The following MICAL2 variants were observed in gnomAD, a reference collection of about 807,000 sequenced individuals.
The protein encoded by MICAL2 is [F-actin]-monooxygenase MICAL2.
A neutral mutation model predicts 127.3 loss-of-function variants in MICAL2; 77 were observed. That is an observed-to-expected ratio of 0.60 (90% CI 0.50 to 0.73). The LOEUF is 0.73. MICAL2 is among the 30% of genes least tolerant of loss of function. MICAL2 has a pLI of 0.00. For synonymous variants in MICAL2, 570 were observed against 551.1 expected (o/e 1.03, Z -0.48); for missense variants, 1,351 against 1,434.4 (o/e 0.94, Z 0.94).
intron 33 of MICAL2, chr11:12,354,725 C>A: frequency 6.9e-7 from 1 of 1,459,674 alleles, no homozygotes; most frequent in South Asian, 1.2e-5. Context: ...TGGGCTTATT[C>A]ATCAATGTTT....
At chr11:12,283,922 G>C (rs1863797712) in intron 2 of MICAL2, among the ~76,000 whole-genome samples, 1 of 152,182 alleles carries the variant, frequency 6.6e-6, no homozygotes, top group South Asian at 2.1e-4. Flanking sequence ...TTAAAAGGCA[G>C]ATTCCCAGGT....
At chr11:12,308,907 C>T (rs1864142535) in intron 29 of MICAL2, among the ~76,000 whole-genome samples, 1 of 152,140 alleles carries the variant, frequency 6.6e-6, no homozygotes, top group Non-Finnish European at 1.5e-5. Context: ...CCTTCCATTC[C>T]TAGCTTGCTA....
intron 2 of MICAL2, among the ~76,000 whole-genome samples, chr11:12,145,230 G>A (rs941584574): frequency 3.3e-5 from 5 of 152,220 alleles, no homozygotes; most frequent in Admixed American, 3.3e-4. Flanking sequence ...CAAAATGGAA[G>A]TGAACAGGCC....
intron 7 of MICAL2, among the ~76,000 whole-genome samples, chr11:12,214,532 G>C (rs759876443): frequency 1.6e-4 from 25 of 152,162 alleles, no homozygotes; most frequent in Admixed American, 1.6e-3. Flanking sequence ...TTGATGTATT[G>C]TCACTGCCTA....
intron 24 of MICAL2, among the ~76,000 whole-genome samples, chr11:12,269,012 A>AT (rs1353483414): frequency 2.6e-5 from 4 of 152,096 alleles, no homozygotes; most frequent in Non-Finnish European, 1.5e-5. Context: ...GAAAAAAAAA[A>AT]ATAAGAGTCC....
At chr11:12,259,918 AG>A in intron 26 of MICAL2, 21 bp downstream of exon 26, 1 of 1,611,900 alleles carries the variant, frequency 6.2e-7, no homozygotes, top group South Asian at 1.1e-5. Context: ...CTCCTTCTTT[AG>A]GAAGGTGCTG....
chr11:12,257,142 A>G, intron 24 of MICAL2, 171 bp downstream of exon 24: 3 of 707,322 alleles, frequency 4.2e-6, no homozygotes, highest in South Asian at 2.2e-5. Context: ...CTAGAAGGGG[A>G]GGCTGCCTGT....
intron 2 of MICAL2, among the ~76,000 whole-genome samples, chr11:12,139,364 T>C (rs1164530295): frequency 6.6e-6 from 1 of 152,182 alleles, no homozygotes; most frequent in African/African-American, 2.4e-5. Context: ...TCCGGGAGCT[T>C]TCCTGGACAT....
At position 12,113,875 on chromosome 11, in the gene MICAL2, A is replaced by T. The variant is rs563381036; in HGVS notation, c.-149+3149A>T. Among the ~76,000 whole-genome samples, 4 of 152,238 alleles carry T rather than the reference A, an allele frequency of 2.6e-5. 1 individual carries two copies. Among genetic ancestry groups the T allele is most frequent in the African/African-American group, 9.6e-5 (4 of 41,530 alleles). ...CAGTACTTACCCTTTCTCACCCTAT[A>T]TTGTAATTATTTATGAACATGTCTT... On this transcript the variant is annotated intron_variant, in intron 1 of 27. Coordinates refer to ENST00000683283, the MANE Select transcript of MICAL2 (RefSeq NM_001282663.2).
At chr11:12,265,084 T>G (rs1863566946), downstream of MICAL2, among the ~76,000 whole-genome samples, 1 of 152,222 alleles carries the variant, frequency 6.6e-6, no homozygotes, top group African/African-American at 2.4e-5. Flanking sequence ...CCCCAAGTGG[T>G]GCTTCACCAA....
chr11:12,243,904 C>T (rs1183670652), intron 20 of MICAL2, 83 bp from the exon 21 acceptor site: 10 of 1,523,462 alleles, frequency 6.6e-6, no homozygotes, highest in African/African-American at 1.4e-5. Context: ...AGTGCACAGG[C>T]ATGGGACTGC....
chr11:12,325,518 C>T (rs868468338), intron 31 of MICAL2, among the ~76,000 whole-genome samples: 1 of 152,220 alleles, frequency 6.6e-6, no homozygotes, highest in African/African-American at 2.4e-5. Context: ...TCCTCATGTT[C>T]TGGAGCTGAG....
intron 26 of MICAL2, chr11:12,262,169 C>T (rs1178078490): frequency 1.6e-6 from 2 of 1,257,232 alleles, no homozygotes; most frequent in Non-Finnish European, 2.0e-6. Context: ...GGATGAATGC[C>T]TCTAGGCCTC....
intron 1 of MICAL2, among the ~76,000 whole-genome samples, chr11:12,117,955 C>T (rs1206545511): frequency 6.6e-6 from 1 of 152,194 alleles, no homozygotes; most frequent in South Asian, 2.1e-4. Flanking sequence ...CTGTGAGGCT[C>T]ATGCAGTTGG....
intron 15 of MICAL2, among the ~76,000 whole-genome samples, chr11:12,228,390 C>A (rs1857759313): frequency 6.6e-6 from 1 of 152,204 alleles, no homozygotes; most frequent in African/African-American, 2.4e-5. Flanking sequence ...TCACCTGCTA[C>A]TCCGTTGTAC....
chr11:12,268,791 C>T (rs552513772), intron 24 of MICAL2, among the ~76,000 whole-genome samples: 1 of 151,774 alleles, frequency 6.6e-6, no homozygotes, highest in South Asian at 2.1e-4. Flanking sequence ...GAGATCGAGA[C>T]CATCCTGGCT....
chr11:12,323,236 A>G (rs1864319510), intron 30 of MICAL2, among the ~76,000 whole-genome samples: 1 of 152,224 alleles, frequency 6.6e-6, no homozygotes, highest in African/African-American at 2.4e-5. Flanking sequence ...TAACAAGCAC[A>G]GGTACACACA....
Position 12,167,714 on chromosome 11 carries a change from C to T in MICAL2, c.264+5295C>T, listed in dbSNP as rs147552557. The stretch of plus-strand genomic sequence containing the variant: ...AAAGAACTCTGGATTTGTCTGCTTA[C>T]CTGACAATAGACTGCCGGCCCTGCA... On this transcript the variant is annotated intron_variant, in intron 3 of 27. Transcript: ENST00000683283. Among the ~76,000 whole-genome samples, 1,010 of 152,252 alleles carry T rather than the reference C, an allele frequency of 6.6e-3. 54 individuals are homozygous for T. The highest frequency in any genetic ancestry group is 0.058 in the Admixed American group (885 of 15,298).
chr11:12,269,265 G>A (rs7121541), intron 24 of MICAL2, among the ~76,000 whole-genome samples: 57,611 of 152,006 alleles, frequency 0.38, 12,314 homozygotes, highest in Non-Finnish European at 0.49. Flanking sequence ...GCTGCCTTCC[G>A]AGAAACTTAG....
Sources: gnomAD v4.1 joint callset for allele counts (sites outside exome capture counted in the v4.1 genomes callset) on GRCh38, gnomAD v4.1.1 for gene constraint, MANE v1.5 for transcripts, NCBI Gene and HGNC (gene_info 2026-07-23, HGNC 2026-07-21) for gene names.